The following ANKRD39 variants were observed in gnomAD, a reference collection of about 807,000 sequenced individuals.
ANKRD39 encodes ankyrin repeat domain 39, also known as ankyrin repeat domain-containing protein 39.
A neutral mutation model predicts 20.3 loss-of-function variants in ANKRD39; 18 were observed. The observed-to-expected ratio is 0.89, with a 90% confidence interval of 0.61 to 1.32. The LOEUF (loss-of-function observed/expected upper bound fraction) is 1.32, where lower values mean the gene tolerates loss of function less well. Among genes scored for constraint, ANKRD39 ranks in the 40% most tolerant of loss-of-function variants. The probability of loss-of-function intolerance (pLI) is 0.00; values close to 1 mark genes in which losing one functional copy is unlikely to be tolerated. For missense variants in ANKRD39, 243 were observed against 250.7 expected, an observed-to-expected ratio of 0.97 and a Z score of 0.21; for synonymous variants, 106 against 111.9, an observed-to-expected ratio of 0.95 and a Z score of 0.33.
chr2:96,850,831 C>T (rs1357782960), intron 3 of ANKRD39, among the ~76,000 whole-genome samples: 2 of 152,214 alleles, frequency 1.3e-5, no homozygotes, highest in Non-Finnish European at 2.9e-5. Flanking sequence ...CTGTTTATAT[C>T]TGTCATGTGA....
chr2:96,852,753 G>T (rs117421826), intron 3 of ANKRD39, among the ~76,000 whole-genome samples: 2 of 152,128 alleles, frequency 1.3e-5, no homozygotes, highest in Non-Finnish European at 2.9e-5. Flanking sequence ...TGCATAGACC[G>T]CCTCTCAAAG....
chr2:96,857,333 C>G (rs1195215526), intron 1 of ANKRD39, among the ~76,000 whole-genome samples: 4 of 152,208 alleles, frequency 2.6e-5, no homozygotes, highest in Admixed American at 2.6e-4. Flanking sequence ...CCTATTGGCA[C>G]CATAATCTCT....
intron 1 of ANKRD39, among the ~76,000 whole-genome samples, chr2:96,855,958 A>AG (rs1384636312): frequency 1.3e-5 from 2 of 152,038 alleles, no homozygotes; most frequent in African/African-American, 4.8e-5. Flanking sequence ...CTGGGGACAG[A>AG]GCCAGACTCC....
chr2:96,850,430 C>T lies in ANKRD39; in HGVS notation c.409-1986G>A, dbSNP rs185396167. 3.9e-5 allele frequency among the ~76,000 whole-genome samples: 6 copies of T among 152,146 alleles called. No individual in the cohort carries two copies. In the South Asian group the frequency reaches 6.2e-4, roughly 16 times the overall value. ...CTGTAATCCCAGAACTTTGGGAGGC[C>T]GAGGGAGGGGGGATCACCTGAGGTC... On this transcript the variant is annotated intron_variant, in intron 3 of 3. Transcript: ENST00000393537.
At position 96,854,379 on chromosome 2, in the gene ANKRD39, C is replaced by T. The variant is rs764534857; in HGVS notation, c.163G>A (p.Glu55Lys). ...GCCGAGTCGGGCTGACTTGGGTCCTCGGCCTTCTGGATTAAATGCTTCACT... is the reference window on the plus strand; with the variant it reads ...GCCGAGTCGGGCTGACTTGGGTCCTTGGCCTTCTGGATTAAATGCTTCACT... ...GRVKHLIQKA[E>K]DPSQPDSAGY... The change falls in exon 2 of 4, where the codon GAG becomes AAG. Residue 55 changes from glutamate to lysine, a missense_variant. Coordinates refer to ENST00000393537, the MANE Select transcript of ANKRD39 (RefSeq NM_016466.6). 9 of 1,614,010 alleles carry T rather than the reference C, an allele frequency of 5.6e-6. No homozygotes were observed. The highest frequency in any genetic ancestry group is 5.3e-5 in the African/African-American group (4 of 74,918).
At chr2:96,848,485 A>C (rs766102463) in intron 3 of ANKRD39, 41 bp from the exon 4 acceptor site, 2 of 1,610,208 alleles carry the variant, frequency 1.2e-6, no homozygotes, top group South Asian at 2.2e-5. Flanking sequence ...ATACCCCCCC[A>C]CTGGGCTCTG....
chr2:96,849,007 A>G (rs1180979156), intron 3 of ANKRD39, among the ~76,000 whole-genome samples: 1 of 152,220 alleles, frequency 6.6e-6, no homozygotes, highest in East Asian at 1.9e-4. Context: ...CATTAAAAAC[A>G]AGTACAGCAC....
At chr2:96,849,551 G>A (rs2079826289) in intron 3 of ANKRD39, among the ~76,000 whole-genome samples, 1 of 152,180 alleles carries the variant, frequency 6.6e-6, no homozygotes, top group Admixed American at 6.5e-5. Context: ...TCGGGAGGCT[G>A]AGGCACGAGA....
intron 3 of ANKRD39, among the ~76,000 whole-genome samples, chr2:96,849,739 C>T (rs566775456): frequency 6.6e-6 from 1 of 152,304 alleles, no homozygotes; most frequent in Non-Finnish European, 1.5e-5. Context: ...TATCCTCCCA[C>T]CTTGGCCTCC....
At chr2:96,854,536 A>G (rs1257020218) in intron 1 of ANKRD39, 95 bp from the exon 2 acceptor site, 1 of 1,174,340 alleles carries the variant, frequency 8.5e-7, no homozygotes, top group Non-Finnish European at 1.3e-6. Flanking sequence ...TATAAAGTGA[A>G]GAATATTCAT....
intron 1 of ANKRD39, among the ~76,000 whole-genome samples, chr2:96,856,143 A>G (rs1290414623): frequency 1.3e-5 from 2 of 152,236 alleles, no homozygotes; most frequent in African/African-American, 4.8e-5. Flanking sequence ...TTTGCACAAA[A>G]AAATGAGGAA....
Position 96,857,954 on chromosome 2 carries a change from A to T in ANKRD39, c.34T>A (p.Cys12Ser). ...AGCACCGCGCTGGGATGCGAGCAGC[A>T]GGGCCCGTCCGCGCAGGGCCGAGGC... Reference protein sequence around the residue: ...ATPRPCADGPCCSHPSAVLGV... With the variant: ...ATPRPCADGPSCSHPSAVLGV... Residue 12 changes from cysteine (C) to serine (S), a missense_variant, in exon 1 of 4, where the codon TGC becomes AGC. Cys to Ser is a moderately radical substitution (Grantham distance 112, BLOSUM62 -1). Transcript: ENST00000393537. The T allele has an allele frequency of 6.4e-7, 1 of 1,572,138 alleles. No homozygotes were observed. Among genetic ancestry groups the T allele is most frequent in the East Asian group, 2.3e-5 (1 of 43,414 alleles).
intron 3 of ANKRD39, among the ~76,000 whole-genome samples, chr2:96,851,410 C>T (rs2079836603): frequency 6.6e-6 from 1 of 152,126 alleles, no homozygotes; most frequent in Non-Finnish European, 1.5e-5. Flanking sequence ...CCCGCCTCAG[C>T]CTCCCAAAGT....
intron 3 of ANKRD39, among the ~76,000 whole-genome samples, chr2:96,850,013 G>T (rs1330873898): frequency 6.6e-6 from 1 of 152,202 alleles, no homozygotes; most frequent in African/African-American, 2.4e-5. Flanking sequence ...AAGAAATGCA[G>T]GCTTAATAAA....
intron 3 of ANKRD39, among the ~76,000 whole-genome samples, chr2:96,849,904 C>CA (rs2079828588): frequency 6.6e-6 from 1 of 152,116 alleles, no homozygotes. Context: ...TACCTCCCCC[C>CA]AAAAATAATA....
At chr2:96,853,109 A>G (rs1158362821) in intron 3 of ANKRD39, among the ~76,000 whole-genome samples, 1 of 152,242 alleles carries the variant, frequency 6.6e-6, no homozygotes, top group Non-Finnish European at 1.5e-5. Flanking sequence ...AGTGGACTAC[A>G]GGAACAGGCA....
intron 3 of ANKRD39, 91 bp from the exon 4 acceptor site, chr2:96,848,535 AAAG>A: frequency 3.3e-6 from 5 of 1,535,730 alleles, no homozygotes; most frequent in Non-Finnish European, 4.4e-6. Context: ...TCCTTCTAAA[AAAG>A]AGGCCTCTCT....
At chr2:96,853,737 G>T in intron 2 of ANKRD39, 133 bp from the exon 3 acceptor site, 1 of 821,326 alleles carries the variant, frequency 1.2e-6, no homozygotes, top group Non-Finnish European at 1.9e-6. Flanking sequence ...GCAGTCGTGT[G>T]ACCTGGGCAA....
At chr2:96,857,138 C>G (rs57454641) in intron 1 of ANKRD39, among the ~76,000 whole-genome samples, 3,656 of 152,290 alleles carry the variant, frequency 0.024, 128 homozygotes, top group African/African-American at 0.082. Flanking sequence ...TTCAGCAGTG[C>G]AGAGGACAGC....
Sources: allele counts gnomAD v4.1 joint callset (sites outside exome capture counted in the v4.1 genomes callset), GRCh38; gene constraint gnomAD v4.1.1; transcripts MANE v1.5; gene names NCBI Gene and HGNC (gene_info 2026-07-23, HGNC 2026-07-21).